Variants in ABCA13 observed in about 807,000 individuals in gnomAD.
The protein encoded by ABCA13 is ATP binding cassette subfamily A member 13.
A neutral mutation model predicts 478.7 loss-of-function variants in ABCA13; 476 were observed. That is an observed-to-expected ratio of 0.99 (90% CI 0.92 to 1.07). The LOEUF is 1.07. ABCA13 is among the 50% of genes least tolerant of loss of function. ABCA13 has a pLI of 0.00. For synonymous variants in ABCA13, 2,252 were observed against 2,158.9 expected, an observed-to-expected ratio of 1.04 and a Z score of -1.20; for missense variants, 6,060 against 5,910.6, an observed-to-expected ratio of 1.03 and a Z score of -0.83.
intron 55 of ABCA13, among the ~76,000 whole-genome samples, chr7:48,559,503 C>T (rs1440214057): frequency 2.0e-5 from 3 of 152,134 alleles, no homozygotes; most frequent in South Asian, 2.1e-4. Context: ...AGAGCTCACT[C>T]AGGTACCATA....
At chr7:48,239,895 T>C (rs931599233) in intron 9 of ABCA13, among the ~76,000 whole-genome samples, 5 of 152,218 alleles carry the variant, frequency 3.3e-5, no homozygotes, top group African/African-American at 9.6e-5. Flanking sequence ...TCTGTCTTTA[T>C]AGGGATGTTG....
At chr7:48,367,328 C>T (rs1811834559) in intron 31 of ABCA13, among the ~76,000 whole-genome samples, 1 of 151,980 alleles carries the variant, frequency 6.6e-6, no homozygotes, top group South Asian at 2.1e-4. Flanking sequence ...GAAATGGAGC[C>T]CAGTTAGAGT....
chr7:48,602,740 G>GA (rs574905835), intron 58 of ABCA13, among the ~76,000 whole-genome samples: 1,650 of 149,788 alleles, frequency 0.011, 16 homozygotes, highest in Middle Eastern at 0.028. Flanking sequence ...ATTTAAAGTG[G>GA]TTTTTTTTTT....
In ABCA13 at chr7:48,280,003, C is replaced by T. The variant is rs762069149; in HGVS notation, c.8726+83C>T. 173 of 1,344,766 alleles carry T rather than the reference C, an allele frequency of 1.3e-4. 1 individual carries two copies. The African/African-American group carries it at 1.3e-3, about 10-fold the overall frequency. 83.3% of individuals were successfully genotyped at this position (1,344,766 alleles called of 1,614,324 possible). A position where few individuals can be genotyped will look rare whatever the true frequency, so the allele number is the denominator to read the frequency against. On this transcript the variant is annotated intron_variant, in intron 18 of 61. Coordinates refer to ENST00000435803, the MANE Select transcript of ABCA13 (RefSeq NM_152701.5). ...GAACCATGCAGGAATTACAGTGAAT[C>T]GGGGTAAGTAGTTCTTCTTGACTTC... is the stretch of plus-strand genomic sequence containing the variant.
intron 6 of ABCA13, 71 bp from the exon 7 acceptor site, chr7:48,229,754 A>C (rs184391356): frequency 7.4e-5 from 117 of 1,579,888 alleles, no homozygotes; most frequent in Non-Finnish European, 9.8e-5. Context: ...GATGTAAGTA[A>C]ACCTAGAATT....
At position 48,193,047 on chromosome 7, in the gene ABCA13, A is replaced by G. The variant is rs1298171886; in HGVS notation, c.158A>G (p.Asp53Gly). Residue 53 changes from aspartate (D) to glycine (G), a missense_variant, in exon 2 of 62, where the codon GAC becomes GGC. By Grantham distance (94) the Asp-to-Gly change is moderately conservative (BLOSUM62 -1). Around this residue, in one of 3 missense-constraint regions of ABCA13, gnomAD observed 4,423 missense variants for 4,309.1 expected, o/e 1.03. Transcript: ENST00000435803. Reference protein sequence around the residue: ...LRFQEPPRYRDICYLQPRDLP... With the variant: ...LRFQEPPRYRGICYLQPRDLP... ...TTTCAAGAACCTCCCAGATACAGAGACATTTGTAAGTTTCACTTTTTAATA... is the reference window on the plus strand; with the variant it reads ...TTTCAAGAACCTCCCAGATACAGAGGCATTTGTAAGTTTCACTTTTTAATA... The G allele has an allele frequency of 6.5e-7, 1 of 1,531,564 alleles. No homozygotes were observed. Among genetic ancestry groups the G allele is most frequent in the South Asian group, 1.2e-5 (1 of 82,488 alleles). 94.9% of individuals were successfully genotyped at this position (1,531,564 alleles called of 1,614,324 possible).
chr7:48,635,220 CAAAA>C (rs11364153), intron 59 of ABCA13, among the ~76,000 whole-genome samples: 5 of 124,196 alleles, frequency 4.0e-5, no homozygotes, highest in Non-Finnish European at 5.3e-5. Flanking sequence ...ATTTTGTTGC[CAAAA>C]AAAAAAAAAA....
At chr7:48,411,206 T>G (rs1371014300) in intron 40 of ABCA13, among the ~76,000 whole-genome samples, 1 of 149,724 alleles carries the variant, frequency 6.7e-6, no homozygotes, top group Non-Finnish European at 1.5e-5. Flanking sequence ...TTTCTTTTCT[T>G]TCTCCCCTTC....
chr7:48,478,537 G>A (rs1828399609), intron 45 of ABCA13, among the ~76,000 whole-genome samples: 1 of 152,048 alleles, frequency 6.6e-6, no homozygotes, highest in African/African-American at 2.4e-5. Context: ...AAGTTCAGAA[G>A]TTTATATATC....
chr7:48,203,146 C>T (rs1398763677), intron 3 of ABCA13, among the ~76,000 whole-genome samples: 1 of 152,244 alleles, frequency 6.6e-6, no homozygotes, highest in Admixed American at 6.5e-5. Flanking sequence ...TCCGCAGCCG[C>T]TGGCCCGGGT....
chr7:48,494,651 G>T (rs992457478), intron 48 of ABCA13, among the ~76,000 whole-genome samples: 1 of 152,120 alleles, frequency 6.6e-6, no homozygotes, highest in Non-Finnish European at 1.5e-5. Flanking sequence ...TACCTTGAGA[G>T]GGTGTTTTCA....
intron 19 of ABCA13, among the ~76,000 whole-genome samples, chr7:48,286,687 T>C (rs1359493115): frequency 3.9e-5 from 6 of 151,992 alleles, no homozygotes; most frequent in African/African-American, 1.5e-4. Context: ...GTATTTTTAG[T>C]AGAGACGGGG....
intron 42 of ABCA13, among the ~76,000 whole-genome samples, chr7:48,452,855 G>T (rs905597988): frequency 5.9e-5 from 9 of 152,250 alleles, no homozygotes; most frequent in African/African-American, 2.2e-4. Flanking sequence ...CCAGGGATGG[G>T]CACCCAAAAA....
At chr7:48,335,589 C>A in intron 28 of ABCA13, 54 bp downstream of exon 28, 1 of 1,430,122 alleles carries the variant, frequency 7.0e-7, no homozygotes, top group Non-Finnish European at 9.8e-7. Flanking sequence ...TAGGGCATGT[C>A]CGAGACATCA....
At chr7:48,600,338 A>G (rs1790753758) in intron 58 of ABCA13, among the ~76,000 whole-genome samples, 1 of 150,744 alleles carries the variant, frequency 6.6e-6, no homozygotes, top group South Asian at 2.1e-4. Flanking sequence ...GATTGTGTAT[A>G]GTTGGATATT....
Position 48,471,545 on chromosome 7 carries a change from C to T in ABCA13, c.12921C>T (p.Cys4307=). 1 of 1,560,746 alleles carries T rather than the reference C, an allele frequency of 6.4e-7. No individual in the cohort carries two copies. Among genetic ancestry groups the T allele is most frequent in the African/African-American group, 1.4e-5 (1 of 73,934 alleles). Residue 4307 remains cysteine (C), a synonymous_variant, in exon 45 of 62, where the codon TGC becomes TGT. Transcript: ENST00000435803. ...TGTTTTTTAGGAAGAATTCTTCATG[C>T]TGGCGCACAGATCCCTTTTCTCACC... ...DLNPRQKNSS[C]WRTDPFSHPE...
intron 22 of ABCA13, 73 bp from the exon 23 acceptor site, chr7:48,298,293 C>A (rs1177186685): frequency 2.2e-6 from 3 of 1,382,646 alleles, no homozygotes; most frequent in African/African-American, 2.9e-5. Context: ...GTTGTAATAT[C>A]AAATTTTGTT....
At chr7:48,635,087 C>T (rs1794516807) in intron 59 of ABCA13, among the ~76,000 whole-genome samples, 1 of 151,960 alleles carries the variant, frequency 6.6e-6, no homozygotes, top group African/African-American at 2.4e-5. Flanking sequence ...CTCCCTGGTT[C>T]TCTCTGGTAA....
At chr7:48,415,425 A>G (rs1472706608) in intron 41 of ABCA13, among the ~76,000 whole-genome samples, 1 of 152,194 alleles carries the variant, frequency 6.6e-6, no homozygotes, top group Non-Finnish European at 1.5e-5. Context: ...TACTAGTTGT[A>G]TGGTGTCTTG....
Sources: allele counts gnomAD v4.1 joint callset (sites outside exome capture counted in the v4.1 genomes callset), GRCh38; gene constraint gnomAD v4.1.1; regional missense constraint gnomAD v4.1.1; transcripts MANE v1.5; gene names NCBI Gene and HGNC (gene_info 2026-07-23, HGNC 2026-07-21).